The following STK17A variants were observed in gnomAD, a reference collection of about 807,000 sequenced individuals.
STK17A encodes serine/threonine-protein kinase 17A.
A neutral mutation model predicts 43.7 loss-of-function variants in STK17A; 26 were observed. The observed-to-expected ratio is 0.60, with a 90% CI of 0.44 to 0.83. The LOEUF is 0.83. STK17A is among the 40% of genes least tolerant of loss of function. STK17A has a pLI of 0.00. For synonymous variants in STK17A, 191 were observed against 182.5 expected (o/e 1.05, Z -0.38); for missense variants, 476 against 511.6 (o/e 0.93, Z 0.67).
intron 6 of STK17A, among the ~76,000 whole-genome samples, 184 bp downstream of exon 6, chr7:43,624,072 T>G (rs2084221315): frequency 6.6e-6 from 1 of 152,030 alleles, no homozygotes; most frequent in Non-Finnish European, 1.5e-5. Flanking sequence ...TAATATAACT[T>G]GAAAGAAAAG....
chr7:43,608,019 T>C (rs1401813988), intron 2 of STK17A, among the ~76,000 whole-genome samples: 1 of 152,170 alleles, frequency 6.6e-6, no homozygotes, highest in African/African-American at 2.4e-5. Flanking sequence ...CAAAGGCTTA[T>C]ACGTGTAATC....
At chr7:43,622,721 GAC>G (rs2084043325) in intron 4 of STK17A, 4 of 148,828 alleles carry the variant, frequency 2.7e-5, no homozygotes, top group African/African-American at 7.5e-5. Context: ...TTTTTTGTGA[GAC>G]ACAGTCTCAC....
chr7:43,585,837 T>G lies in STK17A; in HGVS notation c.206+2388T>G, dbSNP rs138506524. On this transcript the variant is annotated intron_variant, in intron 1 of 6. Coordinates refer to ENST00000319357, the MANE Select transcript of STK17A (RefSeq NM_004760.3). ...ATTCATGGTGTAATTCAATAAATGT[T>G]ATTATTTTAAATGTAACCCAAAAAG... 5.2e-3 allele frequency among the ~76,000 whole-genome samples: 795 copies of G among 151,714 alleles called. 45 individuals carry two copies. The highest frequency in any genetic ancestry group is 6.2e-3 in the South Asian group (30 of 4,828).
intron 3 of STK17A, chr7:43,608,674 T>C (rs1327633042): frequency 1.2e-5 from 3 of 254,536 alleles, no homozygotes; most frequent in Non-Finnish European, 2.2e-5. Flanking sequence ...TTTGAAAAGT[T>C]AGGATTTAGA....
rs1292938594 is a variant in STK17A at position 43,625,752 on chromosome 7, G to A, written c.*910G>A. 1 of 73,448 alleles carries A rather than the reference G, an allele frequency of 1.4e-5. No homozygotes were observed. The highest frequency in any genetic ancestry group is 2.7e-5 in the Non-Finnish European group (1 of 37,056). 4.5% of individuals were successfully genotyped at this position (73,448 alleles called of 1,614,324 possible). Reference sequence around the variant, plus strand: ...CCCAAAGTGAGTAAAATCCCCTAGAGCAGAGAGAGAGAGAGAGAGAGAGAG... The same window carrying A: ...CCCAAAGTGAGTAAAATCCCCTAGAACAGAGAGAGAGAGAGAGAGAGAGAG... On this transcript the variant is annotated 3_prime_UTR_variant, in exon 7 of 7. Coordinates refer to ENST00000319357, the MANE Select transcript of STK17A (RefSeq NM_004760.3).
At chr7:43,595,502 C>T (rs1182812810) in intron 1 of STK17A, among the ~76,000 whole-genome samples, 1 of 152,118 alleles carries the variant, frequency 6.6e-6, no homozygotes. Flanking sequence ...TGGTCCAGAA[C>T]TCCTGACCTC....
chr7:43,609,677 A>G (rs1231016911), intron 3 of STK17A: 1 of 152,270 alleles, frequency 6.6e-6, no homozygotes, highest in Non-Finnish European at 1.5e-5. Context: ...AACACAGAAC[A>G]TGCCACAGCA....
At chr7:43,604,514 T>C (rs763212259) in intron 2 of STK17A, among the ~76,000 whole-genome samples, 1 of 152,208 alleles carries the variant, frequency 6.6e-6, no homozygotes. Flanking sequence ...ACACTGCTTT[T>C]TTTGTCATTC....
At position 43,626,546 on chromosome 7, in the gene STK17A, A is replaced by G. The variant is rs2084562064; in HGVS notation, c.*1704A>G. ...AGAAGAAATTGTGCCACAGTGATAG[A>G]GTTTTTAATGAATATCCATGGCCAC... On this transcript the variant is annotated 3_prime_UTR_variant, in exon 7 of 7. Coordinates refer to ENST00000319357, the MANE Select transcript of STK17A (RefSeq NM_004760.3). The G allele has an allele frequency of 1.3e-5, 2 of 152,212 alleles. No individual in the cohort carries two copies. The allele number at this position is 152,212 out of a possible 1,614,324, so 9.4% of individuals were successfully genotyped here.
rs1326681930 is a variant in STK17A at position 43,623,725 on chromosome 7, A to G, written c.757A>G (p.Thr253Ala). ...ATDMWSIGVL[T>A]YVMLTGISPF... ...CTAATTTAGGAGCATTGGAGTGTTAACATATGTCATGCTTACAGGAATATC... is the reference window on the plus strand; with the variant it reads ...CTAATTTAGGAGCATTGGAGTGTTAGCATATGTCATGCTTACAGGAATATC... The change falls in exon 6 of 7, where the codon ACA becomes GCA. Residue 253 changes from threonine to alanine, a missense_variant. Physicochemically the swap from Thr to Ala is moderately conservative, Grantham distance 58. This residue lies in a region of STK17A where 46 missense variants were observed against 81.6 expected (regional missense o/e 0.56). Coordinates refer to ENST00000319357, the MANE Select transcript of STK17A (RefSeq NM_004760.3). The G allele has an allele frequency of 6.2e-7, 1 of 1,606,784 alleles. No individual in the cohort carries two copies. Among genetic ancestry groups the G allele is most frequent in the Admixed American group, 1.7e-5 (1 of 58,686 alleles).
chr7:43,588,572 G>A (rs987251504), intron 1 of STK17A, among the ~76,000 whole-genome samples: 1 of 151,458 alleles, frequency 6.6e-6, no homozygotes, highest in East Asian at 1.9e-4. Flanking sequence ...TTTAAGACAT[G>A]GCTCACACCT....
chr7:43,588,443 C>T (rs1257999702), intron 1 of STK17A, among the ~76,000 whole-genome samples: 1 of 151,500 alleles, frequency 6.6e-6, no homozygotes, highest in East Asian at 1.9e-4. Context: ...ATCACGCATG[C>T]TAATGTCTTA....
At chr7:43,609,285 C>A (rs1324714864) in intron 3 of STK17A, 1 of 152,254 alleles carries the variant, frequency 6.6e-6, no homozygotes, top group African/African-American at 2.4e-5. Context: ...ACAGCTCTGT[C>A]CAAAGTTCTG....
At chr7:43,601,130 A>G (rs747132094) in intron 2 of STK17A, among the ~76,000 whole-genome samples, 5 of 152,078 alleles carry the variant, frequency 3.3e-5, no homozygotes, top group Non-Finnish European at 5.9e-5. Flanking sequence ...AGCATGTTAC[A>G]AAATAATGTG....
intron 3 of STK17A, among the ~76,000 whole-genome samples, chr7:43,618,399 G>A (rs186889599): frequency 3.2e-4 from 48 of 152,288 alleles, no homozygotes; most frequent in African/African-American, 1.1e-3. Flanking sequence ...GAGTAGCTGT[G>A]TTATTTAGGG....
intron 1 of STK17A, among the ~76,000 whole-genome samples, chr7:43,584,729 A>G (rs574580394): frequency 3.3e-5 from 5 of 152,150 alleles, no homozygotes; most frequent in Non-Finnish European, 7.3e-5. Context: ...ACTTATTCCT[A>G]AATGTTAACA....
At chr7:43,621,457 T>C (rs1214102318) in intron 4 of STK17A, among the ~76,000 whole-genome samples, 3 of 151,896 alleles carry the variant, frequency 2.0e-5, no homozygotes, top group Non-Finnish European at 4.4e-5. Context: ...CTGAATGAGG[T>C]GGGTTTTTGT....
chr7:43,614,599 G>C (rs1311349789), intron 3 of STK17A, among the ~76,000 whole-genome samples: 2 of 152,174 alleles, frequency 1.3e-5, no homozygotes, highest in South Asian at 4.1e-4. Flanking sequence ...AAATAGCCCT[G>C]TGGTCAAAAT....
At chr7:43,590,747 A>G (rs965829113) in intron 1 of STK17A, among the ~76,000 whole-genome samples, 2 of 151,402 alleles carry the variant, frequency 1.3e-5, no homozygotes, top group Admixed American at 6.6e-5. Context: ...GTATATAACC[A>G]TGGCCCATAA....
Sources: gnomAD v4.1 joint callset for allele counts (sites outside exome capture counted in the v4.1 genomes callset) on GRCh38, gnomAD v4.1.1 for gene constraint, gnomAD v4.1.1 regional missense constraint, MANE v1.5 for transcripts, NCBI Gene and HGNC (gene_info 2026-07-23, HGNC 2026-07-21) for gene names.